The following PTPRG variants were observed in gnomAD, a reference collection of about 807,000 sequenced individuals.
PTPRG encodes the protein receptor-type tyrosine-protein phosphatase gamma.
Under a neutral mutation model 165.3 loss-of-function variants are expected in PTPRG, and 102 were observed. The observed-to-expected ratio is 0.62, with a 90% CI of 0.53 to 0.73. PTPRG has a LOEUF of 0.73. PTPRG is among the 30% of genes least tolerant of loss of function. PTPRG has a pLI of 0.00. For missense variants in PTPRG, 1,866 were observed against 1,861.4 expected (o/e 1.00, Z -0.05); for synonymous variants, 675 against 669.5 (o/e 1.01, Z -0.13).
intron 1 of PTPRG, among the ~76,000 whole-genome samples, chr3:61,596,364 C>A (rs1250646442): frequency 6.6e-6 from 1 of 152,148 alleles, no homozygotes; most frequent in East Asian, 1.9e-4. Flanking sequence ...TTTATAAAAA[C>A]AACAGGAATT....
intron 2 of PTPRG, among the ~76,000 whole-genome samples, chr3:61,822,408 G>T (rs754468013): frequency 1.8e-4 from 27 of 152,080 alleles, no homozygotes; most frequent in Non-Finnish European, 3.4e-4. Flanking sequence ...CTTTAATGAG[G>T]ACTAACATGT....
At chr3:61,649,771 A>G (rs1224354723) in intron 1 of PTPRG, among the ~76,000 whole-genome samples, 1 of 152,228 alleles carries the variant, frequency 6.6e-6, no homozygotes, top group East Asian at 1.9e-4. Context: ...AGGTTGTCGT[A>G]TAGATGCACA....
chr3:61,682,555 C>A (rs960361687), intron 1 of PTPRG, among the ~76,000 whole-genome samples: 1 of 152,164 alleles, frequency 6.6e-6, no homozygotes, highest in Non-Finnish European at 1.5e-5. Flanking sequence ...TTCACTAGGT[C>A]AGAACTACTG....
At chr3:62,279,395 T>G (rs1386517572) in intron 26 of PTPRG, among the ~76,000 whole-genome samples, 2 of 152,094 alleles carry the variant, frequency 1.3e-5, no homozygotes, top group African/African-American at 2.4e-5. Flanking sequence ...CTCAAATCCC[T>G]TTGGTAGCCT....
At chr3:62,021,116 G>A (rs138001066) in intron 4 of PTPRG, among the ~76,000 whole-genome samples, 1 of 142,710 alleles carries the variant, frequency 7.0e-6, no homozygotes. Context: ...CTTTTAATAC[G>A]AATACCTGCG....
chr3:61,836,345 G>T (rs1202953059), intron 2 of PTPRG, among the ~76,000 whole-genome samples: 1 of 152,088 alleles, frequency 6.6e-6, no homozygotes, highest in African/African-American at 2.4e-5. Context: ...GTAGTACATA[G>T]TAAGTGCTTG....
chr3:61,802,945 C>G (rs908859401), intron 2 of PTPRG, among the ~76,000 whole-genome samples: 1 of 152,184 alleles, frequency 6.6e-6, no homozygotes, highest in Non-Finnish European at 1.5e-5. Flanking sequence ...GGTTCATCTT[C>G]TTCTTTATAG....
At chr3:62,078,931 G>A (rs1559784579) in intron 5 of PTPRG, among the ~76,000 whole-genome samples, 1 of 152,196 alleles carries the variant, frequency 6.6e-6, no homozygotes, top group Non-Finnish European at 1.5e-5. Context: ...GCCTGTAGGA[G>A]ACCTTGGTGC....
chr3:61,939,077 T>G (rs1000395447), intron 2 of PTPRG, among the ~76,000 whole-genome samples: 4 of 152,210 alleles, frequency 2.6e-5, no homozygotes, highest in Non-Finnish European at 5.9e-5. Context: ...AAACCGGAAC[T>G]GGGTACAGGC....
rs1407565628 is a variant in PTPRG, at chr3:62,210,303, G to T, written c.2155+6353G>T. Among the ~76,000 whole-genome samples the T allele has an allele frequency of 1.3e-5, 2 of 152,194 alleles. No individual in the cohort carries two copies. On this transcript the variant is annotated intron_variant, in intron 12 of 29. Transcript: ENST00000474889. The surrounding 1 kb of genome is among the most constrained non-coding windows in gnomAD (Gnocchi z 4.1). Reference sequence around the variant, plus strand: ...GAACAATCATTTCTCTGCAGCAGTGGTTTGGGTAACGTCAGGGCTCCAGAA... The same window carrying T: ...GAACAATCATTTCTCTGCAGCAGTGTTTTGGGTAACGTCAGGGCTCCAGAA...
intron 5 of PTPRG, among the ~76,000 whole-genome samples, chr3:62,127,556 C>A (rs909606958): frequency 2.6e-5 from 4 of 152,234 alleles, no homozygotes; most frequent in African/African-American, 9.6e-5. Context: ...ACGGTATAGC[C>A]ATTCACCCTC....
At chr3:62,032,542 T>A (rs1699803152) in intron 4 of PTPRG, among the ~76,000 whole-genome samples, 1 of 152,290 alleles carries the variant, frequency 6.6e-6, no homozygotes, top group African/African-American at 2.4e-5. Context: ...TTCCCATTTT[T>A]TTTTTTAGAA....
At position 62,295,179 on chromosome 3, in the gene PTPRG, A is replaced by G. The variant is rs1703019993; in HGVS notation, c.*1872A>G. On this transcript the variant is annotated 3_prime_UTR_variant, in exon 30 of 30. Transcript: ENST00000474889. Reference sequence around the variant, plus strand: ...TGCTAAGTTGCATGTGCTAGATGAGAGACACCTTTACAGCCCCTCCGCTCC... The same window carrying G: ...TGCTAAGTTGCATGTGCTAGATGAGGGACACCTTTACAGCCCCTCCGCTCC... The G allele has an allele frequency of 6.6e-6, 1 of 152,170 alleles. No individual in the cohort carries two copies. Among genetic ancestry groups the G allele is most frequent in the African/African-American group, 2.4e-5 (1 of 41,436 alleles). 9.4% of individuals were successfully genotyped at this position (152,170 alleles called of 1,614,324 possible).
rs1159938118 is a variant in PTPRG, at chr3:62,240,682, C to A, written c.2376-3125C>A. Among the ~76,000 whole-genome samples the A allele has an allele frequency of 6.6e-6, 1 of 152,166 alleles. No individual in the cohort carries two copies. The highest frequency in any genetic ancestry group is 1.5e-5 in the Non-Finnish European group (1 of 68,028). On this transcript the variant is annotated intron_variant, in intron 14 of 29. Coordinates refer to ENST00000474889, the MANE Select transcript of PTPRG (RefSeq NM_002841.4). The surrounding 1 kb of genome is among the most constrained non-coding windows in gnomAD (Gnocchi z 5.1). ...CTTGCCTCTGGCTTCCTTCCAGTTT[C>A]CTAAAATGCACCAAGCTCCCTCTGC...
intron 5 of PTPRG, among the ~76,000 whole-genome samples, chr3:62,105,928 G>A (rs1702458960): frequency 1.3e-5 from 2 of 152,138 alleles, no homozygotes; most frequent in South Asian, 4.1e-4. Flanking sequence ...TATGACAGAT[G>A]CAAGCTATGC....
At chr3:62,089,017 T>C (rs1324192968) in intron 5 of PTPRG, among the ~76,000 whole-genome samples, 1 of 152,240 alleles carries the variant, frequency 6.6e-6, no homozygotes, top group Non-Finnish European at 1.5e-5. Flanking sequence ...AGAAGAACTT[T>C]ACAATTCTCT....
At chr3:61,647,325 C>G (rs1702225311) in intron 1 of PTPRG, among the ~76,000 whole-genome samples, 1 of 152,110 alleles carries the variant, frequency 6.6e-6, no homozygotes, top group Non-Finnish European at 1.5e-5. Context: ...TTCTTACATG[C>G]CAGATATTAT....
chr3:62,059,682 G>A (rs1700742015), intron 4 of PTPRG, among the ~76,000 whole-genome samples: 1 of 152,062 alleles, frequency 6.6e-6, no homozygotes, highest in Non-Finnish European at 1.5e-5. Context: ...TGGTTTGGCT[G>A]TATCCCCACC....
intron 4 of PTPRG, among the ~76,000 whole-genome samples, chr3:62,018,113 G>A (rs2107753292): frequency 6.6e-6 from 1 of 152,288 alleles, no homozygotes; most frequent in Non-Finnish European, 1.5e-5. Flanking sequence ...CAGGCAATAT[G>A]CTGAACATTT....
Sources: allele counts gnomAD v4.1 joint callset (sites outside exome capture counted in the v4.1 genomes callset), GRCh38; gene constraint gnomAD v4.1.1; non-coding constraint Gnocchi (gnomAD v3.1); transcripts MANE v1.5; gene names NCBI Gene and HGNC (gene_info 2026-07-23, HGNC 2026-07-21).